Variants in INSR observed in about 807,000 individuals in gnomAD.
INSR encodes insulin receptor.
Under a neutral mutation model 142.6 loss-of-function variants are expected in INSR, and 67 were observed. The observed-to-expected ratio is 0.47, with a 90% confidence interval of 0.39 to 0.58. The LOEUF (loss-of-function observed/expected upper bound fraction) is 0.58, where lower values mean the gene tolerates loss of function less well. Among genes scored for constraint, INSR ranks in the 20% least tolerant of loss-of-function variants. INSR has a pLI of 0.00. For missense variants in INSR, 1,248 were observed against 1,833.2 expected (o/e 0.68, Z 5.83); for synonymous variants, 756 against 743.1 (o/e 1.02, Z -0.28).
intron 1 of INSR, among the ~76,000 whole-genome samples, chr19:7,280,837 C>G (rs10423156): frequency 0.56 from 85,019 of 151,690 alleles, 24,575 homozygotes; most frequent in African/African-American, 0.7. Flanking sequence ...AGGTTGCAAT[C>G]AGCCAAGATC....
At chr19:7,211,480 G>T (rs1309317470) in intron 2 of INSR, among the ~76,000 whole-genome samples, 1 of 152,180 alleles carries the variant, frequency 6.6e-6, no homozygotes, top group African/African-American at 2.4e-5. Flanking sequence ...AAAGGAGCCG[G>T]TATTTGAAAA....
rs371576257 is a variant in INSR at position 7,179,079 on chromosome 19, GT to G, written c.975-4349del. ...GCATGCACCCCCTCACCTGGCTAAT[GT>G]TTTTAAATTTTTGTAGAGATGGGAT... On this transcript the variant is annotated intron_variant, in intron 3 of 21. Transcript: ENST00000302850. Among the ~76,000 whole-genome samples the G allele has an allele frequency of 6.5e-3, 990 of 152,178 alleles. 11 individuals are homozygous for G. Among genetic ancestry groups the G allele is most frequent in the African/African-American group, 0.023 (936 of 41,522 alleles).
chr19:7,258,810 G>A (rs1016416217), intron 2 of INSR, among the ~76,000 whole-genome samples: 2 of 149,030 alleles, frequency 1.3e-5, no homozygotes, highest in African/African-American at 4.9e-5. Flanking sequence ...AGTCTGATAG[G>A]AGAGGCCCTA....
At chr19:7,285,809 TA>T (rs200354677) in intron 1 of INSR, among the ~76,000 whole-genome samples, 1,717 of 152,196 alleles carry the variant, frequency 0.011, 35 homozygotes, top group African/African-American at 0.039. Flanking sequence ...GATCTGTGGT[TA>T]GGGGTGGAGG....
intron 2 of INSR, among the ~76,000 whole-genome samples, chr19:7,221,194 C>A (rs1975600021): frequency 6.6e-6 from 1 of 151,130 alleles, no homozygotes; most frequent in Non-Finnish European, 1.5e-5. Flanking sequence ...GCCAACGTGG[C>A]GAGACCCCGT....
intron 13 of INSR, among the ~76,000 whole-genome samples, chr19:7,135,462 T>C (rs1182931996): frequency 6.8e-6 from 1 of 147,606 alleles, no homozygotes; most frequent in Non-Finnish European, 1.5e-5. Flanking sequence ...ATTATAGGCG[T>C]GTGCCACAAA....
chr19:7,170,497 C>T lies in INSR; in HGVS notation c.1483+40G>A, dbSNP rs34520134. ...ATGGAAAAACCATCTTCCACTACACCGGTCCCTCATGCCAAAAAGGTTGGG... is the reference window on the plus strand; with the variant it reads ...ATGGAAAAACCATCTTCCACTACACTGGTCCCTCATGCCAAAAAGGTTGGG... On this transcript the variant is annotated intron_variant, in intron 6 of 21. Transcript: ENST00000302850. 9.9e-5 allele frequency: 148 copies of T among 1,494,920 alleles called. No individual in the cohort carries two copies. The South Asian group carries it at 1.2e-3, about 12-fold the overall frequency. 92.6% of individuals were successfully genotyped at this position (1,494,920 alleles called of 1,614,324 possible).
intron 13 of INSR, among the ~76,000 whole-genome samples, chr19:7,139,241 T>C (rs1314268184): frequency 1.3e-5 from 2 of 152,168 alleles, no homozygotes; most frequent in Non-Finnish European, 2.9e-5. Flanking sequence ...ACCTGCAGAA[T>C]TGAGAGAAAG....
At chr19:7,209,740 G>T (rs1304242100) in intron 2 of INSR, among the ~76,000 whole-genome samples, 2 of 152,056 alleles carry the variant, frequency 1.3e-5, no homozygotes, top group Non-Finnish European at 2.9e-5. Context: ...TTCCATAATA[G>T]ATGTACATGA....
chr19:7,186,628 C>G (rs770217872), intron 2 of INSR, among the ~76,000 whole-genome samples: 6 of 152,092 alleles, frequency 3.9e-5, no homozygotes, highest in Non-Finnish European at 5.9e-5. Flanking sequence ...TGAAACTCTG[C>G]CCCCATGAAA....
intron 3 of INSR, among the ~76,000 whole-genome samples, chr19:7,183,763 G>C (rs925009978): frequency 1.3e-5 from 2 of 152,000 alleles, no homozygotes; most frequent in African/African-American, 4.8e-5. Context: ...TTAGAACTGA[G>C]GTCCACAATG....
intron 2 of INSR, among the ~76,000 whole-genome samples, chr19:7,262,578 A>T (rs1977097822): frequency 6.6e-6 from 1 of 152,252 alleles, no homozygotes. Context: ...TCACAATGGC[A>T]GAAATGTGAA....
chr19:7,240,622 A>T (rs1430519835), intron 2 of INSR, among the ~76,000 whole-genome samples: 1 of 152,110 alleles, frequency 6.6e-6, no homozygotes, highest in Non-Finnish European at 1.5e-5. Flanking sequence ...GATAACCCAA[A>T]ATCCAAAATC....
Position 7,146,236 on chromosome 19 carries a change from C to CCTTTT in INSR, c.2268-3147_2268-3146insAAAAG, listed in dbSNP as rs1424523294. 2.1e-4 allele frequency among the ~76,000 whole-genome samples: 23 copies of CCTTTT among 110,720 alleles called. 8 individuals are homozygous for CCTTTT. Among genetic ancestry groups the CCTTTT allele is most frequent in the South Asian group, 3.0e-4 (1 of 3,366 alleles). 72.6% of individuals were successfully genotyped at this position (110,720 alleles called of 152,430 possible). A position where few individuals can be genotyped will look rare whatever the true frequency, so the allele number is the denominator to read the frequency against. On this transcript the variant is annotated intron_variant, in intron 11 of 21. Transcript: ENST00000302850. ...TTCAGTGCAGTATCTTTGTCAAGTT[C>CCTTTT]TTTTTTTTTTTTTTTTTTTTTTGAG...
intron 2 of INSR, among the ~76,000 whole-genome samples, chr19:7,258,942 C>CT (rs1205263507): frequency 9.6e-6 from 1 of 103,894 alleles, no homozygotes; most frequent in African/African-American, 3.7e-5. Flanking sequence ...CCTTCCTTTC[C>CT]TTCTTCCTTC....
chr19:7,128,706 A>G (rs2144822340), intron 15 of INSR, 146 bp downstream of exon 15: 1 of 655,818 alleles, frequency 1.5e-6, no homozygotes. Context: ...ATATCATATT[A>G]TGACAATTAT....
At position 7,166,567 on chromosome 19, in the gene INSR, G is replaced by C. The variant is rs1440043996; in HGVS notation, c.1611-163C>G. Reference sequence around the variant, plus strand: ...AACTCGGGAACAGCCAAAGAGAAAGGAACTGTCAACCCTGACATCTCAATG... The same window carrying C: ...AACTCGGGAACAGCCAAAGAGAAAGCAACTGTCAACCCTGACATCTCAATG... On this transcript the variant is annotated intron_variant, in intron 7 of 21. Coordinates refer to ENST00000302850, the MANE Select transcript of INSR (RefSeq NM_000208.4). This position sits in a 1 kb window ranked among gnomAD's most constrained non-coding sequence, Gnocchi z 4.1. Among the ~76,000 whole-genome samples, 1 of 152,158 alleles carries C rather than the reference G, an allele frequency of 6.6e-6. No homozygotes were observed. Among genetic ancestry groups the C allele is most frequent in the African/African-American group, 2.4e-5 (1 of 41,444 alleles).
At chr19:7,146,435 T>C (rs1973190010) in intron 11 of INSR, among the ~76,000 whole-genome samples, 1 of 151,970 alleles carries the variant, frequency 6.6e-6, no homozygotes, top group African/African-American at 2.4e-5. Context: ...AGAGACAGTG[T>C]TTCACCATGT....
chr19:7,206,182 TGA>T (rs34846316), intron 2 of INSR, among the ~76,000 whole-genome samples: 58,989 of 151,712 alleles, frequency 0.39, 11,590 homozygotes, highest in East Asian at 0.45. Context: ...CTCAGGGAGT[TGA>T]GAGACAGAAT....
Sources: gnomAD v4.1 joint callset for allele counts (sites outside exome capture counted in the v4.1 genomes callset) on GRCh38, gnomAD v4.1.1 for gene constraint, Gnocchi (gnomAD v3.1) non-coding constraint, MANE v1.5 for transcripts, NCBI Gene and HGNC (gene_info 2026-07-23, HGNC 2026-07-21) for gene names.